Variants in SEPTIN1 observed in about 807,000 individuals in gnomAD.
SEPTIN1 encodes the protein septin-1.
In SEPTIN1, 52 loss-of-function variants were observed where a neutral mutation model predicts 50.7. That is an observed-to-expected ratio of 1.03 (90% CI 0.82 to 1.29). The LOEUF (loss-of-function observed/expected upper bound fraction) is 1.29. SEPTIN1 is among the 50% of genes most tolerant of loss of function. The pLI is 0.00. For synonymous variants in SEPTIN1, 204 were observed against 189.1 expected, an observed-to-expected ratio of 1.08 and a Z score of -0.65; for missense variants, 455 against 490.7, an observed-to-expected ratio of 0.93 and a Z score of 0.69.
At position 30,379,065 on chromosome 16, in the gene SEPTIN1, G is replaced by T; in HGVS notation, c.894C>A (p.Cys298Ter). 6.2e-7 allele frequency: 1 copy of T among 1,613,972 alleles called. No individual in the cohort carries two copies. The highest frequency in any genetic ancestry group is 8.5e-7 in the Non-Finnish European group (1 of 1,179,972). Residue 298 changes from cysteine to a stop codon, truncating the protein, a stop_gained, in exon 9 of 11, where the codon TGC (cysteine) becomes TGA (stop). Coordinates refer to ENST00000321367, the MANE Select transcript of SEPTIN1 (RefSeq NM_001365977.2). LOFTEE classifies it high-confidence loss of function. ...DLLYEGYRAR[C>*]LQSLARPGAR... ...CCCCAGGCCGGGCCAGGCTCTGTAG[G>T]CAGCGGGCCCGGTAGCCCTCGTAGA...
intron 9 of SEPTIN1, 64 bp from the exon 10 acceptor site, chr16:30,378,764 G>A (rs2049790516): frequency 6.6e-7 from 1 of 1,512,790 alleles, no homozygotes; most frequent in African/African-American, 1.4e-5. Flanking sequence ...GTGAGGCCCA[G>A]GAGGCAGGGC....
rs1249781879 is a variant in SEPTIN1 at position 30,382,041 on chromosome 16, G to C, written c.196+52C>G. ...GAGTCCCCAGATGGAAAAGACTAGGGTGTAACCTGGGGACAGGGGCTACTG... is the reference window on the plus strand; with the variant it reads ...GAGTCCCCAGATGGAAAAGACTAGGCTGTAACCTGGGGACAGGGGCTACTG... On this transcript the variant is annotated intron_variant, in intron 3 of 10. Transcript: ENST00000321367. The surrounding 1 kb of genome is among the most constrained non-coding windows in gnomAD (Gnocchi z 4.8). 3 of 1,588,088 alleles carry C rather than the reference G, an allele frequency of 1.9e-6. No individual in the cohort carries two copies. Among genetic ancestry groups the C allele is most frequent in the African/African-American group, 2.7e-5 (2 of 74,250 alleles).
In SEPTIN1 at chr16:30,381,228, C is replaced by T. The variant is rs768614997; in HGVS notation, c.472G>A (p.Val158Met). 57 of 1,613,964 alleles carry T rather than the reference C, an allele frequency of 3.5e-5. 1 individual carries two copies. The South Asian group carries it at 4.9e-4, about 14-fold the overall frequency. The change falls in exon 6 of 11, where the codon GTG (valine) becomes ATG (methionine). Residue 158 changes from valine to methionine, a missense_variant. Transcript: ENST00000321367. This position sits in a 1 kb window ranked among gnomAD's most constrained non-coding sequence, Gnocchi z 4.3. Reference sequence around the variant, plus strand: ...TCGTGTACTGCCCGGAGGAAGGCCACATCTAGGGGCCGGAGCCTGCACCCA... The same window carrying T: ...TCGTGTACTGCCCGGAGGAAGGCCATATCTAGGGGCCGGAGCCTGCACCCA... The part of the protein sequence containing the change: ...PFGRGLRPLD[V>M]AFLRAVHEKV...
chr16:30,382,792 C>T (rs978783249), upstream of SEPTIN1: 24 of 1,535,500 alleles, frequency 1.6e-5, no homozygotes, highest in South Asian at 7.1e-5. This position sits in a 1 kb window ranked among gnomAD's most constrained non-coding sequence, Gnocchi z 4.8. Context: ...GCTCCATCAT[C>T]GTGGTGAGAC....
chr16:30,379,640 C>CTTTTTTTTT (rs71149011), intron 7 of SEPTIN1, 106 bp from the exon 8 acceptor site: 3,146 of 238,774 alleles, frequency 0.013, 287 homozygotes, highest in African/African-American at 0.017. Context: ...GCCCCTTCCT[C>CTTTTTTTTT]TTTTTTTTTT....
Position 30,382,447 on chromosome 16 carries a change from A to G in SEPTIN1, c.18+78T>C. On this transcript the variant is annotated intron_variant, in intron 1 of 10. Transcript: ENST00000321367. The surrounding 1 kb of genome is among the most constrained non-coding windows in gnomAD (Gnocchi z 4.8). ...GATCACTTGAGTTCCTGGGCTAGGA[A>G]GAGTCAGTGGGGTCTGGGGACCCCA... is the stretch of plus-strand genomic sequence containing the variant. 1 of 1,570,684 alleles carries G rather than the reference A, an allele frequency of 6.4e-7. No individual in the cohort carries two copies. Among genetic ancestry groups the G allele is most frequent in the South Asian group, 1.1e-5 (1 of 88,448 alleles).
chr16:30,382,534 G>T lies in SEPTIN1; in HGVS notation c.9C>A (p.Gly3=), dbSNP rs201701101. The T allele has an allele frequency of 1.1e-5, 18 of 1,584,446 alleles. No individual in the cohort carries two copies. The highest frequency in any genetic ancestry group is 2.3e-5 in the East Asian group (1 of 43,200). The change falls in exon 1 of 11, where the codon GGC becomes GGA. Residue 3 remains glycine (G), a synonymous_variant. Coordinates refer to ENST00000321367, the MANE Select transcript of SEPTIN1 (RefSeq NM_001365977.2). This position sits in a 1 kb window ranked among gnomAD's most constrained non-coding sequence, Gnocchi z 4.8. MA[G]GVMDKEYVGF... is the part of the protein sequence containing the mutation. ...GGGTGTAAGGACTCACCATGACTCC[G>T]CCAGCCATCACTGCACCTGCCGTCT...
chr16:30,380,877 A>G (rs915709905), intron 6 of SEPTIN1: 8 of 551,094 alleles, frequency 1.5e-5, no homozygotes, highest in Non-Finnish European at 2.6e-5. Flanking sequence ...CTATGTTCTC[A>G]TGTCTATGCT....
chr16:30,378,497 C>T lies in SEPTIN1; in HGVS notation c.1056G>A (p.Leu352=), dbSNP rs1262727008. 3.2e-6 allele frequency: 5 copies of T among 1,579,484 alleles called. No individual in the cohort carries two copies. Among genetic ancestry groups the T allele is most frequent in the Non-Finnish European group, 3.4e-6 (4 of 1,163,014 alleles). ...GCTGCATTTGGGCCTGCATCTTCTC[C>T]AGCATCTCTTGCATGCGGCGCAGCT... ...DEELRRMQEM[L]EKMQAQMQQS... The change falls in exon 11 of 11, where the codon CTG becomes CTA. Residue 352 remains leucine (L), a synonymous_variant. Transcript: ENST00000321367.
intron 7 of SEPTIN1, 174 bp from the exon 8 acceptor site, chr16:30,379,708 G>A (rs2049815955): frequency 3.8e-6 from 2 of 522,178 alleles, no homozygotes; most frequent in Non-Finnish European, 6.5e-6. Flanking sequence ...GAGTGTTCAA[G>A]TGATTCTCCT....
rs552157633 is a variant in SEPTIN1, at chr16:30,381,672, T to C, written c.320+88A>G. ...CTGAAACAGACACCACCTTTTGAGATAGGGAGCCAGCACAAACCAGTCCTG... is the reference window on the plus strand; with the variant it reads ...CTGAAACAGACACCACCTTTTGAGACAGGGAGCCAGCACAAACCAGTCCTG... On this transcript the variant is annotated intron_variant, in intron 4 of 10. Transcript: ENST00000321367. This position sits in a 1 kb window ranked among gnomAD's most constrained non-coding sequence, Gnocchi z 4.3. The C allele has an allele frequency of 1.6e-4, 255 of 1,562,772 alleles. No individual in the cohort carries two copies. Among genetic ancestry groups the C allele is most frequent in the Non-Finnish European group, 2.1e-4 (237 of 1,154,090 alleles).
chr16:30,378,240 A>AGTGGGCGGTGTCTGG lies in SEPTIN1; in HGVS notation c.*179_*193dup. On this transcript the variant is annotated 3_prime_UTR_variant, in exon 11 of 11. Transcript: ENST00000321367. ...AGATTGTGCAGGCCCCGGGCCGGGA[A>AGTGGGCGGTGTCTGG]GTGGGCGGTGTCTGGGTGGGCGGGA... 1 of 641,216 alleles carries AGTGGGCGGTGTCTGG rather than the reference A, an allele frequency of 1.6e-6. No individual in the cohort carries two copies. The highest frequency in any genetic ancestry group is 1.8e-5 in the South Asian group (1 of 57,080). The allele number at this position is 641,216 out of a possible 1,614,324, so 39.7% of individuals were successfully genotyped here. A position where few individuals can be genotyped will look rare whatever the true frequency, so the allele number is the denominator to read the frequency against.
Position 30,382,444 on chromosome 16 carries a change from G to C in SEPTIN1, c.19-79C>G. The C allele has an allele frequency of 6.4e-7, 1 of 1,570,958 alleles. No individual in the cohort carries two copies. On this transcript the variant is annotated intron_variant, in intron 1 of 10. Coordinates refer to ENST00000321367, the MANE Select transcript of SEPTIN1 (RefSeq NM_001365977.2). This position sits in a 1 kb window ranked among gnomAD's most constrained non-coding sequence, Gnocchi z 4.8. ...CAGGATCACTTGAGTTCCTGGGCTA[G>C]GAAGAGTCAGTGGGGTCTGGGGACC...
chr16:30,379,155 C>A lies in SEPTIN1; in HGVS notation c.804G>T (p.Leu268=). 6.2e-7 allele frequency: 1 copy of A among 1,614,122 alleles called. No individual in the cohort carries two copies. The highest frequency in any genetic ancestry group is 8.5e-7 in the Non-Finnish European group (1 of 1,180,014). ...TCTGCACCAGCATCCGTCGCAGGTT[C>A]AGGAAATCGCAGTGATGTGGGTTCT... is the stretch of plus-strand genomic sequence containing the variant. ...EVENPHHCDF[L]NLRRMLVQTH... is the part of the protein sequence containing the mutation. The change falls in exon 9 of 11, where the codon CTG becomes CTT. Residue 268 remains leucine (L), a synonymous_variant. Coordinates refer to ENST00000321367, the MANE Select transcript of SEPTIN1 (RefSeq NM_001365977.2).
chr16:30,379,970 C>T lies in SEPTIN1; in HGVS notation c.637G>A (p.Glu213Lys). The stretch of plus-strand genomic sequence containing the variant: ...TCCTGCCTCTTGAAGTCTTCATCTT[C>T]ATCAGAGTCACATTCGGGGAACTGG... ...IYQFPECDSD[E>K]DEDFKRQDAE... The change falls in exon 7 of 11, where the codon GAA (glutamate) becomes AAA (lysine). Residue 213 changes from glutamate (E) to lysine (K), a missense_variant. Coordinates refer to ENST00000321367, the MANE Select transcript of SEPTIN1 (RefSeq NM_001365977.2). The T allele has an allele frequency of 1.2e-6, 2 of 1,606,894 alleles. No homozygotes were observed. Among genetic ancestry groups the T allele is most frequent in the Non-Finnish European group, 8.5e-7 (1 of 1,173,852 alleles).
rs780523592 is a variant in SEPTIN1 at position 30,382,312 on chromosome 16, A to C, written c.72T>G (p.Ser24=). The change falls in exon 2 of 11, where the codon TCT becomes TCG. Residue 24 remains serine (S), a synonymous_variant. Coordinates refer to ENST00000321367, the MANE Select transcript of SEPTIN1 (RefSeq NM_001365977.2). The surrounding 1 kb of genome is among the most constrained non-coding windows in gnomAD (Gnocchi z 4.8). ...GCGTGAAGTCAAACCCCTTCTTGAC[A>C]GACTTGCGGTGCAGCTGGTTGGGGA... The part of the protein sequence containing the change: ...AALPNQLHRK[S]VKKGFDFTLM... The C allele has an allele frequency of 6.2e-7, 1 of 1,613,882 alleles. No homozygotes were observed. The highest frequency in any genetic ancestry group is 2.2e-5 in the East Asian group (1 of 44,882).
chr16:30,381,323 G>A lies in SEPTIN1; in HGVS notation c.455+16C>T. ...CCTCCCTAAATGCGCCAGCCCCCAG[G>A]ATCCCCCCACCAGACCCCCGGCCGA... On this transcript the variant is annotated intron_variant, in intron 5 of 10. Transcript: ENST00000321367. The surrounding 1 kb of genome is among the most constrained non-coding windows in gnomAD (Gnocchi z 4.3). 1 of 1,611,614 alleles carries A rather than the reference G, an allele frequency of 6.2e-7. No homozygotes were observed. Among genetic ancestry groups the A allele is most frequent in the Non-Finnish European group, 8.5e-7 (1 of 1,178,502 alleles).
chr16:30,379,842 G>A (rs2049818393), intron 7 of SEPTIN1, 90 bp downstream of exon 7: 2 of 746,256 alleles, frequency 2.7e-6, no homozygotes, highest in Non-Finnish European at 4.6e-6. Flanking sequence ...CCTGACCTCA[G>A]GGGATCCTCC....
At chr16:30,379,617 TC>T (rs1567423818) in intron 7 of SEPTIN1, 83 bp from the exon 8 acceptor site, 1 of 635,690 alleles carries the variant, frequency 1.6e-6, no homozygotes, top group East Asian at 3.5e-5. Context: ...CACACCCGCC[TC>T]CTCTGCTTCC....
Sources: allele counts gnomAD v4.1 joint callset, GRCh38; gene constraint gnomAD v4.1.1; non-coding constraint Gnocchi (gnomAD v3.1); transcripts MANE v1.5; gene names NCBI Gene and HGNC (gene_info 2026-07-23, HGNC 2026-07-21).